Variants in TMEM156 observed in about 807,000 individuals in gnomAD.
TMEM156 encodes the protein transmembrane protein 156.
A neutral mutation model predicts 30.5 loss-of-function variants in TMEM156; 28 were observed. The ratio of observed to expected loss-of-function variants is 0.92; its 90% confidence interval spans 0.68 to 1.26. TMEM156 has a LOEUF of 1.26. Among genes scored for constraint, TMEM156 ranks in the 50% most tolerant of loss-of-function variants. The probability of loss-of-function intolerance (pLI) is 0.00; values close to 1 mark genes in which losing one functional copy is unlikely to be tolerated. For missense variants in TMEM156, 351 were observed against 340.6 expected, an observed-to-expected ratio of 1.03 and a Z score of -0.24; for synonymous variants, 137 against 119.9, an observed-to-expected ratio of 1.14 and a Z score of -0.93.
intron 1 of TMEM156, among the ~76,000 whole-genome samples, chr4:39,018,299 T>C (rs1461012505): frequency 6.6e-6 from 1 of 152,230 alleles, no homozygotes. Context: ...AAAGGTTACT[T>C]TTATACAGCA....
chr4:38,978,431 C>T (rs1013456562), intron 5 of TMEM156, among the ~76,000 whole-genome samples: 5 of 152,072 alleles, frequency 3.3e-5, no homozygotes, highest in Non-Finnish European at 7.4e-5. Flanking sequence ...GTTTTATTCC[C>T]CAGAACCTAC....
chr4:38,995,540 C>A (rs1466597715), intron 2 of TMEM156, among the ~76,000 whole-genome samples: 1 of 152,130 alleles, frequency 6.6e-6, no homozygotes, highest in Non-Finnish European at 1.5e-5. Context: ...CATGATGAAA[C>A]CCCGTCTCTA....
intron 6 of TMEM156, among the ~76,000 whole-genome samples, chr4:38,968,425 T>C (rs911910735): frequency 2.0e-5 from 3 of 152,214 alleles, no homozygotes; most frequent in Admixed American, 6.5e-5. Context: ...TTTATCATGT[T>C]ACTTGAGTCT....
intron 1 of TMEM156, among the ~76,000 whole-genome samples, chr4:39,021,026 T>C (rs938027548): frequency 3.3e-5 from 5 of 152,256 alleles, no homozygotes; most frequent in South Asian, 2.1e-4. Flanking sequence ...TGTATTTTCA[T>C]AAAATTTCAA....
chr4:39,025,736 A>G (rs2110067363), intron 1 of TMEM156, among the ~76,000 whole-genome samples: 1 of 152,334 alleles, frequency 6.6e-6, no homozygotes, highest in Middle Eastern at 3.4e-3. Context: ...CCTGTAGATA[A>G]AGAAAATGGC....
intron 5 of TMEM156, among the ~76,000 whole-genome samples, chr4:38,982,648 T>TA (rs1203054601): frequency 6.6e-6 from 1 of 152,158 alleles, no homozygotes; most frequent in African/African-American, 2.4e-5. Context: ...AATCCACAGA[T>TA]AAAAAAGACA....
chr4:38,967,553 T>C lies in TMEM156; in HGVS notation c.*127A>G, dbSNP rs1203461634. 6.6e-6 allele frequency: 1 copy of C among 152,220 alleles called. No homozygotes were observed. Among genetic ancestry groups the C allele is most frequent in the East Asian group, 1.9e-4 (1 of 5,202 alleles). The allele number at this position is 152,220 out of a possible 1,614,324, so 9.4% of individuals were successfully genotyped here. On this transcript the variant is annotated 3_prime_UTR_variant, in exon 7 of 7. Transcript: ENST00000381938. The stretch of plus-strand genomic sequence containing the variant: ...TGCTTTCCAACTGTGCATCCTCAGC[T>C]GGACACAAACATTTTCCAGTCTACT...
intron 2 of TMEM156, among the ~76,000 whole-genome samples, chr4:38,994,737 CA>C (rs1413156348): frequency 6.6e-6 from 1 of 152,116 alleles, no homozygotes; most frequent in East Asian, 1.9e-4. Context: ...CACCTGAGGT[CA>C]GGGGTTCGAG....
intron 1 of TMEM156, among the ~76,000 whole-genome samples, chr4:39,011,317 G>A (rs1215230971): frequency 1.3e-5 from 2 of 152,204 alleles, no homozygotes; most frequent in Non-Finnish European, 1.5e-5. Flanking sequence ...AATTAGTTCA[G>A]GCCCTGTGGA....
chr4:39,008,763 G>T (rs763391908), intron 1 of TMEM156, among the ~76,000 whole-genome samples: 1 of 152,020 alleles, frequency 6.6e-6, no homozygotes, highest in Non-Finnish European at 1.5e-5. Context: ...TACAACAAAA[G>T]CAGTGTTAAA....
chr4:38,978,813 C>T lies in TMEM156; in HGVS notation c.823+7523G>A, dbSNP rs1042216502. On this transcript the variant is annotated intron_variant, in intron 5 of 6. Transcript: ENST00000381938. ...TTTTTTTTCTTTTGAGACAGGGTCT[C>T]GCTCTGTCACCTAGGCCGGAGTGCA... Among the ~76,000 whole-genome samples, 8 of 152,066 alleles carry T rather than the reference C, an allele frequency of 5.3e-5. No homozygotes were observed. In the East Asian group the frequency reaches 9.6e-4, roughly 18 times the overall value.
intron 5 of TMEM156, among the ~76,000 whole-genome samples, chr4:38,974,473 T>C (rs993942909): frequency 2.0e-5 from 3 of 152,164 alleles, no homozygotes; most frequent in African/African-American, 7.2e-5. Context: ...ACAGTTTAAA[T>C]ACATTGGAAA....
At chr4:38,980,833 G>T in intron 5 of TMEM156, 1 of 757,954 alleles carries the variant, frequency 1.3e-6, no homozygotes, top group Non-Finnish European at 1.6e-6. Context: ...GTTCAGGCAG[G>T]GACAATCTAT....
At chr4:39,013,871 T>C (rs892375329) in intron 1 of TMEM156, among the ~76,000 whole-genome samples, 1 of 152,218 alleles carries the variant, frequency 6.6e-6, no homozygotes, top group Non-Finnish European at 1.5e-5. Context: ...TTATATTTTA[T>C]AATTGTAGTG....
At chr4:39,022,004 T>C (rs1388510191) in intron 1 of TMEM156, among the ~76,000 whole-genome samples, 2 of 152,258 alleles carry the variant, frequency 1.3e-5, no homozygotes, top group African/African-American at 4.8e-5. Context: ...ACGTGTTTTA[T>C]CATTTTTGAT....
chr4:38,983,570 G>A (rs185184808), intron 5 of TMEM156, among the ~76,000 whole-genome samples: 17 of 152,076 alleles, frequency 1.1e-4, no homozygotes, highest in African/African-American at 3.9e-4. Flanking sequence ...GACTAATTTT[G>A]TTTATTTTTT....
intron 1 of TMEM156, among the ~76,000 whole-genome samples, chr4:39,014,908 G>T (rs1296039725): frequency 6.6e-6 from 1 of 151,986 alleles, no homozygotes; most frequent in Admixed American, 6.6e-5. Context: ...TTTCTTGAAA[G>T]TTTGGCAGGA....
intron 5 of TMEM156, chr4:38,980,810 G>A (rs1255689262): frequency 2.3e-5 from 11 of 468,106 alleles, no homozygotes; most frequent in Middle Eastern, 1.1e-3. Flanking sequence ...AGGGTGGCAG[G>A]AGAGGCGGGA....
chr4:38,976,365 C>T (rs1273798625), intron 5 of TMEM156, among the ~76,000 whole-genome samples: 1 of 151,638 alleles, frequency 6.6e-6, no homozygotes, highest in Non-Finnish European at 1.5e-5. Flanking sequence ...GTGGTGACTG[C>T]CAAGTGGCCT....
Sources: gnomAD v4.1 joint callset for allele counts (sites outside exome capture counted in the v4.1 genomes callset) on GRCh38, gnomAD v4.1.1 for gene constraint, MANE v1.5 for transcripts, NCBI Gene and HGNC (gene_info 2026-07-23, HGNC 2026-07-21) for gene names.